The following UBE2M variants were observed in gnomAD, a reference collection of about 807,000 sequenced individuals.
UBE2M encodes the protein ubiquitin conjugating enzyme E2 M, also known as NEDD8-conjugating enzyme Ubc12.
UBE2M carries 2 observed loss-of-function variants against 23.5 expected under a neutral mutation model. The observed-to-expected ratio is 0.09, with a 90% CI of 0.03 to 0.27. The LOEUF is 0.27. Ranked by LOEUF, UBE2M falls within the 10% of genes least tolerant of loss-of-function variation. The pLI is 1.00. For missense variants in UBE2M, 103 were observed against 232.9 expected (o/e 0.44, Z 3.63); for synonymous variants, 97 against 95.2 (o/e 1.02, Z -0.11).
In UBE2M at chr19:58,556,232, G is replaced by A; in HGVS notation, c.412-3C>T. The stretch of plus-strand genomic sequence containing the variant: ...AGTGGGTCCTCGGGGTTGGGCTCCT[G>A]TGGCCAGTACAGGTAGGGGGGGTCA... On this transcript the variant is annotated splice_region_variant and splice_polypyrimidine_tract_variant and intron_variant, in intron 5 of 5. Transcript: ENST00000253023. The surrounding 1 kb of genome is among the most constrained non-coding windows in gnomAD (Gnocchi z 4.9). 6.2e-7 allele frequency: 1 copy of A among 1,614,138 alleles called. No individual in the cohort carries two copies. The highest frequency in any genetic ancestry group is 8.5e-7 in the Non-Finnish European group (1 of 1,179,968).
At position 58,555,727 on chromosome 19, in the gene UBE2M, C is replaced by G. The variant is rs1274654756; in HGVS notation, c.*362G>C. The G allele has an allele frequency of 3.5e-6, 1 of 285,144 alleles. No homozygotes were observed. Among genetic ancestry groups the G allele is most frequent in the Non-Finnish European group, 6.9e-6 (1 of 145,014 alleles). The allele number at this position is 285,144 out of a possible 1,614,324, so 17.7% of individuals were successfully genotyped here. On this transcript the variant is annotated 3_prime_UTR_variant, in exon 6 of 6. Transcript: ENST00000253023. ...GCAGAGGCCATGCAGTAACATTCCC[C>G]TTTAATAGCCTGGTGGGACCTCCAG... is the stretch of plus-strand genomic sequence containing the variant.
Position 58,558,144 on chromosome 19 carries a change from C to A in UBE2M, c.109+129G>T, listed in dbSNP as rs1033163314. On this transcript the variant is annotated intron_variant, in intron 1 of 5. Transcript: ENST00000253023. This position sits in a 1 kb window ranked among gnomAD's most constrained non-coding sequence, Gnocchi z 4.7. ...AACCCTCAAGACTTGACCTCCGACC[C>A]CCCCCACGCTCGGGGCCCTTCACCT... The A allele has an allele frequency of 5.5e-6, 4 of 728,410 alleles. No homozygotes were observed. In the African/African-American group the frequency reaches 5.7e-5, roughly 10 times the overall value. 45.1% of individuals were successfully genotyped at this position (728,410 alleles called of 1,614,324 possible).
At position 58,556,635 on chromosome 19, in the gene UBE2M, G is replaced by C; in HGVS notation, c.347+52C>G. The C allele has an allele frequency of 6.9e-7, 1 of 1,448,890 alleles. No individual in the cohort carries two copies. 89.8% of individuals were successfully genotyped at this position (1,448,890 alleles called of 1,614,324 possible). A position where few individuals can be genotyped will look rare whatever the true frequency, so the allele number is the denominator to read the frequency against. The stretch of plus-strand genomic sequence containing the variant: ...GATGTAGTGCCCACAAGACCATGAG[G>C]GAGGCCTGGCAGGCAGCGCTGAGGA... On this transcript the variant is annotated intron_variant, in intron 4 of 5. Transcript: ENST00000253023. The surrounding 1 kb of genome is among the most constrained non-coding windows in gnomAD (Gnocchi z 4.9).
Position 58,558,151 on chromosome 19 carries a change from C to CT in UBE2M, c.109+121_109+122insA. 1 of 778,486 alleles carries CT rather than the reference C, an allele frequency of 1.3e-6. No individual in the cohort carries two copies. Among genetic ancestry groups the CT allele is most frequent in the Non-Finnish European group, 2.0e-6 (1 of 504,692 alleles). The allele number at this position is 778,486 out of a possible 1,614,324, so 48.2% of individuals were successfully genotyped here. A position where few individuals can be genotyped will look rare whatever the true frequency, so the allele number is the denominator to read the frequency against. On this transcript the variant is annotated intron_variant, in intron 1 of 5. Transcript: ENST00000253023. This position sits in a 1 kb window ranked among gnomAD's most constrained non-coding sequence, Gnocchi z 4.7. ...AAGACTTGACCTCCGACCCCCCCCA[C>CT]GCTCGGGGCCCTTCACCTCTGACCC...
In UBE2M at chr19:58,556,088, C is replaced by T. The variant is rs780178591; in HGVS notation, c.*1G>A. 4 of 1,606,352 alleles carry T rather than the reference C, an allele frequency of 2.5e-6. No individual in the cohort carries two copies. Among genetic ancestry groups the T allele is most frequent in the Non-Finnish European group, 3.4e-6 (4 of 1,175,628 alleles). ...GTGGCGGGGGTGGGTATGCGCCAAC[C>T]CTATTTCAGGCAGCGCTCAAAGTAG... On this transcript the variant is annotated 3_prime_UTR_variant, in exon 6 of 6. Coordinates refer to ENST00000253023, the MANE Select transcript of UBE2M (RefSeq NM_003969.4). This position sits in a 1 kb window ranked among gnomAD's most constrained non-coding sequence, Gnocchi z 4.9.
chr19:58,556,364 T>G lies in UBE2M; in HGVS notation c.363A>C (p.Pro121=). The G allele has an allele frequency of 6.2e-7, 1 of 1,613,950 alleles. No homozygotes were observed. Among genetic ancestry groups the G allele is most frequent in the South Asian group, 1.1e-5 (1 of 91,076 alleles). ...AAATTATGGAGTTTATCGTAAGGAC[T>G]GGCTTCCAGTCCTCTCTGTGGACAG... The part of the protein sequence containing the change: ...CLNILREDWK[P]VLTINSIIYG... Residue 121 remains proline (P), a synonymous_variant, in exon 5 of 6, where the codon CCA becomes CCC. Transcript: ENST00000253023. This position sits in a 1 kb window ranked among gnomAD's most constrained non-coding sequence, Gnocchi z 4.9.
At position 58,556,855 on chromosome 19, in the gene UBE2M, C is replaced by G; in HGVS notation, c.243+37G>C. The stretch of plus-strand genomic sequence containing the variant: ...GGAAGGGCCTCAGCTGCTGCCTCCT[C>G]TGTCCAGGGAGCCATCCCTGCCCGC... On this transcript the variant is annotated intron_variant, in intron 3 of 5. Transcript: ENST00000253023. The surrounding 1 kb of genome is among the most constrained non-coding windows in gnomAD (Gnocchi z 4.9). The G allele has an allele frequency of 6.2e-7, 1 of 1,613,956 alleles. No homozygotes were observed. Among genetic ancestry groups the G allele is most frequent in the Non-Finnish European group, 8.5e-7 (1 of 1,179,912 alleles).
At position 58,555,895 on chromosome 19, in the gene UBE2M, G is replaced by T. The variant is rs898455779; in HGVS notation, c.*194C>A. 2.9e-6 allele frequency: 2 copies of T among 698,980 alleles called. No homozygotes were observed. The highest frequency in any genetic ancestry group is 3.9e-5 in the South Asian group (2 of 51,414). 43.3% of individuals were successfully genotyped at this position (698,980 alleles called of 1,614,324 possible). On this transcript the variant is annotated 3_prime_UTR_variant, in exon 6 of 6. Transcript: ENST00000253023. ...TCCCATCGCTGAGTGGGTCGGGGGA[G>T]GCAGCGCCGACCTTAATCACATGGT...
chr19:58,558,146 C>G lies in UBE2M; in HGVS notation c.109+127G>C, dbSNP rs1205843581. The G allele has an allele frequency of 1.3e-6, 1 of 754,550 alleles. No homozygotes were observed. The highest frequency in any genetic ancestry group is 3.5e-5 in the East Asian group (1 of 28,908). The allele number at this position is 754,550 out of a possible 1,614,324, so 46.7% of individuals were successfully genotyped here. On this transcript the variant is annotated intron_variant, in intron 1 of 5. Coordinates refer to ENST00000253023, the MANE Select transcript of UBE2M (RefSeq NM_003969.4). This position sits in a 1 kb window ranked among gnomAD's most constrained non-coding sequence, Gnocchi z 4.7. Reference sequence around the variant, plus strand: ...CCCTCAAGACTTGACCTCCGACCCCCCCCACGCTCGGGGCCCTTCACCTCT... The same window carrying G: ...CCCTCAAGACTTGACCTCCGACCCCGCCCACGCTCGGGGCCCTTCACCTCT...
chr19:58,557,568 A>C (rs2053900371), intron 1 of UBE2M, among the ~76,000 whole-genome samples: 1 of 145,446 alleles, frequency 6.9e-6, no homozygotes, highest in Non-Finnish European at 1.5e-5. Flanking sequence ...CACCCCCACC[A>C]ACCCTCAGTC....
rs938474502 is a variant in UBE2M at position 58,556,262 on chromosome 19, G to C, written c.412-33C>G. 1.1e-5 allele frequency: 17 copies of C among 1,613,898 alleles called. No homozygotes were observed. Among genetic ancestry groups the C allele is most frequent in the Non-Finnish European group, 1.4e-5 (16 of 1,179,902 alleles). ...CAGTACAGGTAGGGGGGGTCAACAG[G>C]CCAGAGGGACAGAAGGCCAATCTCC... is the stretch of plus-strand genomic sequence containing the variant. On this transcript the variant is annotated intron_variant, in intron 5 of 5. Transcript: ENST00000253023. This position sits in a 1 kb window ranked among gnomAD's most constrained non-coding sequence, Gnocchi z 4.9.
Position 58,555,876 on chromosome 19 carries a change from C to T in UBE2M, c.*213G>A. ...CTAGACAAGCCAATTCATTTCCCAT[C>T]GCTGAGTGGGTCGGGGGAGGCAGCG... On this transcript the variant is annotated 3_prime_UTR_variant, in exon 6 of 6. Coordinates refer to ENST00000253023, the MANE Select transcript of UBE2M (RefSeq NM_003969.4). 2 of 622,742 alleles carry T rather than the reference C, an allele frequency of 3.2e-6. No individual in the cohort carries two copies. The highest frequency in any genetic ancestry group is 2.8e-5 in the East Asian group (1 of 35,144). 38.6% of individuals were successfully genotyped at this position (622,742 alleles called of 1,614,324 possible).
In UBE2M at chr19:58,556,704, G is replaced by C. The variant is rs200322455; in HGVS notation, c.330C>G (p.Val110=). Reference sequence around the variant, plus strand: ...GTCCTCACCTGAGGATGTTGAGGCAGACGTTGCCCTCGAGGTCAATGTTGG... The same window carrying C: ...GTCCTCACCTGAGGATGTTGAGGCACACGTTGCCCTCGAGGTCAATGTTGG... ...YHPNIDLEGN[V]CLNILREDWK... The change falls in exon 4 of 6, where the codon GTC becomes GTG. Residue 110 remains valine, a synonymous_variant. Transcript: ENST00000253023. This position sits in a 1 kb window ranked among gnomAD's most constrained non-coding sequence, Gnocchi z 4.9. 6.5e-7 allele frequency: 1 copy of C among 1,530,016 alleles called. No individual in the cohort carries two copies. Among genetic ancestry groups the C allele is most frequent in the Non-Finnish European group, 8.8e-7 (1 of 1,140,870 alleles). 94.8% of individuals were successfully genotyped at this position (1,530,016 alleles called of 1,614,324 possible).
Position 58,558,229 on chromosome 19 carries a change from T to TGACCTCC in UBE2M, c.109+37_109+43dup, listed in dbSNP as rs761048755. ...TCCCACATCACCCTGCCTCAGGCCC[T>TGACCTCC]GACCTCCGACCTCCGGCTCCAACCC... is the stretch of plus-strand genomic sequence containing the variant. On this transcript the variant is annotated intron_variant, in intron 1 of 5. Transcript: ENST00000253023. The surrounding 1 kb of genome is among the most constrained non-coding windows in gnomAD (Gnocchi z 4.7). 10 of 1,545,860 alleles carry TGACCTCC rather than the reference T, an allele frequency of 6.5e-6. No individual in the cohort carries two copies. Among genetic ancestry groups the TGACCTCC allele is most frequent in the Middle Eastern group, 1.7e-4 (1 of 5,892 alleles).
rs1195579726 is a variant in UBE2M at position 58,558,222 on chromosome 19, C to A, written c.109+51G>T. On this transcript the variant is annotated intron_variant, in intron 1 of 5. Coordinates refer to ENST00000253023, the MANE Select transcript of UBE2M (RefSeq NM_003969.4). The surrounding 1 kb of genome is among the most constrained non-coding windows in gnomAD (Gnocchi z 4.7). ...TCCTGACTCCCACATCACCCTGCCT[C>A]AGGCCCTGACCTCCGACCTCCGGCT... 5.3e-6 allele frequency: 8 copies of A among 1,519,882 alleles called. No individual in the cohort carries two copies. Among genetic ancestry groups the A allele is most frequent in the Admixed American group, 1.8e-5 (1 of 54,340 alleles). 94.1% of individuals were successfully genotyped at this position (1,519,882 alleles called of 1,614,324 possible). A position where few individuals can be genotyped will look rare whatever the true frequency, so the allele number is the denominator to read the frequency against.
At chr19:58,557,224 G>T in intron 1 of UBE2M, 67 bp from the exon 2 acceptor site, 2 of 1,487,628 alleles carry the variant, frequency 1.3e-6, no homozygotes, top group Non-Finnish European at 9.4e-7. Context: ...GAGGGAGCCA[G>T]CAGGACACTT....
At position 58,556,588 on chromosome 19, in the gene UBE2M, G is replaced by T; in HGVS notation, c.347+99C>A. The T allele has an allele frequency of 8.5e-7, 1 of 1,182,174 alleles. No individual in the cohort carries two copies. Among genetic ancestry groups the T allele is most frequent in the East Asian group, 2.4e-5 (1 of 41,390 alleles). The allele number at this position is 1,182,174 out of a possible 1,614,324, so 73.2% of individuals were successfully genotyped here. On this transcript the variant is annotated intron_variant, in intron 4 of 5. Coordinates refer to ENST00000253023, the MANE Select transcript of UBE2M (RefSeq NM_003969.4). This position sits in a 1 kb window ranked among gnomAD's most constrained non-coding sequence, Gnocchi z 4.9. ...AAATCAAGAAACCACAGACAACAAA[G>T]GGGTGGGAAGGGACAGAGTCTGATG...
chr19:58,557,247 T>G, intron 1 of UBE2M, 90 bp from the exon 2 acceptor site: 3 of 1,340,708 alleles, frequency 2.2e-6, no homozygotes, highest in Non-Finnish European at 3.2e-6. Flanking sequence ...GGCGGGTGTT[T>G]GTTAGCAGAG....
At position 58,556,577 on chromosome 19, in the gene UBE2M, C is replaced by A. The variant is rs1203059920; in HGVS notation, c.347+110G>T. 10 of 1,169,666 alleles carry A rather than the reference C, an allele frequency of 8.5e-6. No homozygotes were observed. The Admixed American group carries it at 2.7e-4, about 31-fold the overall frequency. 72.5% of individuals were successfully genotyped at this position (1,169,666 alleles called of 1,614,324 possible). A position where few individuals can be genotyped will look rare whatever the true frequency, so the allele number is the denominator to read the frequency against. On this transcript the variant is annotated intron_variant, in intron 4 of 5. Transcript: ENST00000253023. This position sits in a 1 kb window ranked among gnomAD's most constrained non-coding sequence, Gnocchi z 4.9. ...AGATGACTGGGAAATCAAGAAACCA[C>A]AGACAACAAAGGGGTGGGAAGGGAC...
Sources: allele counts gnomAD v4.1 joint callset (sites outside exome capture counted in the v4.1 genomes callset), GRCh38; gene constraint gnomAD v4.1.1; non-coding constraint Gnocchi (gnomAD v3.1); transcripts MANE v1.5; gene names NCBI Gene and HGNC (gene_info 2026-07-23, HGNC 2026-07-21).